The following HDAC9 variants were observed in gnomAD, a reference collection of about 807,000 sequenced individuals.
HDAC9 encodes the protein histone deacetylase 9.
A neutral mutation model predicts 139.4 loss-of-function variants in HDAC9; 41 were observed. That is an observed-to-expected ratio of 0.29 (90% CI 0.23 to 0.38). The LOEUF is 0.38. HDAC9 is among the 10% of genes least tolerant of loss of function. The pLI is 1.00. For missense variants in HDAC9, 1,147 were observed against 1,297.0 expected (o/e 0.88, Z 1.78); for synonymous variants, 517 against 476.2 (o/e 1.09, Z -1.12).
intron 13 of HDAC9, among the ~76,000 whole-genome samples, chr7:18,733,114 T>C (rs1300430385): frequency 6.9e-6 from 1 of 145,700 alleles, no homozygotes; most frequent in Non-Finnish European, 1.5e-5. Flanking sequence ...TACATATATA[T>C]GTGTATACAT....
intron 1 of HDAC9, among the ~76,000 whole-genome samples, chr7:18,304,755 C>T (rs1248137399): frequency 2.6e-5 from 4 of 152,102 alleles, no homozygotes; most frequent in East Asian, 3.9e-4. Context: ...GGGCAGAGTG[C>T]GTAAGCCATT....
chr7:18,834,320 CT>C (rs1164097905), intron 19 of HDAC9, among the ~76,000 whole-genome samples: 3 of 149,870 alleles, frequency 2.0e-5, no homozygotes, highest in Non-Finnish European at 4.4e-5. Flanking sequence ...AAATTATCCA[CT>C]TTTGGAGTGG....
chr7:18,527,390 A>G (rs1317004731), intron 2 of HDAC9, among the ~76,000 whole-genome samples: 2 of 152,144 alleles, frequency 1.3e-5, no homozygotes, highest in African/African-American at 4.8e-5. Context: ...TATCTAAGTA[A>G]GTTAATGTTG....
At chr7:18,429,549 TTGTG>T (rs544337272) in intron 1 of HDAC9, among the ~76,000 whole-genome samples, 2 of 150,110 alleles carry the variant, frequency 1.3e-5, no homozygotes, top group African/African-American at 2.5e-5. Context: ...GTGTGTGTAT[TTGTG>T]TGTGTGTGTG....
At chr7:18,416,153 G>A (rs777287981) in intron 1 of HDAC9, among the ~76,000 whole-genome samples, 8 of 151,918 alleles carry the variant, frequency 5.3e-5, no homozygotes, top group African/African-American at 9.7e-5. Context: ...AAAATTAGCC[G>A]GGCATGGTGG....
intron 17 of HDAC9, among the ~76,000 whole-genome samples, chr7:18,815,854 C>T (rs1471430361): frequency 6.6e-6 from 1 of 152,228 alleles, no homozygotes; most frequent in Non-Finnish European, 1.5e-5. Context: ...AATATCCCTA[C>T]TTCCCTGAAT....
intron 22 of HDAC9, among the ~76,000 whole-genome samples, chr7:18,892,833 G>T (rs1027465288): frequency 1.3e-5 from 2 of 152,020 alleles, no homozygotes; most frequent in Non-Finnish European, 2.9e-5. Context: ...TCTACCCCAT[G>T]TAAGACTGAT....
Position 18,258,726 on chromosome 7 carries a change from T to A in HDAC9, c.25+96377T>A, listed in dbSNP as rs79216931. Among the ~76,000 whole-genome samples the A allele has an allele frequency of 1.4e-4, 21 of 152,322 alleles. No homozygotes were observed. The East Asian group carries it at 3.3e-3, about 24-fold the overall frequency. ...TGTGATACTAAATTCAGTTTACACT[T>A]CTGAAATATAGCTTCTTGAAAGAAA... On this transcript the variant is annotated intron_variant, in intron 2 of 12. Coordinates refer to the HDAC9 transcript ENST00000417496.
intron 7 of HDAC9, 103 bp downstream of exon 7, chr7:18,629,584 G>A: frequency 8.7e-7 from 1 of 1,145,128 alleles, no homozygotes; most frequent in Non-Finnish European, 1.2e-6. Flanking sequence ...ATTTTGAGAA[G>A]AAATATTTCT....
rs1281144975 is a variant in HDAC9 at position 18,447,201 on chromosome 7, AT to A, written c.-41-49060del. On this transcript the variant is annotated intron_variant, in intron 1 of 3. Transcript: ENST00000413509. ...TGAGTCAGTGGTGTGAAAACAAAAA[AT>A]AACAGAGAGTTTAAAATTATTTATG... Among the ~76,000 whole-genome samples, 145 of 152,218 alleles carry A rather than the reference AT, an allele frequency of 9.5e-4. 2 individuals carry two copies. The highest frequency in any genetic ancestry group is 9.5e-3 in the Admixed American group (145 of 15,276).
chr7:18,823,206 G>C (rs1272361652), intron 17 of HDAC9, among the ~76,000 whole-genome samples: 1 of 152,116 alleles, frequency 6.6e-6, no homozygotes, highest in African/African-American at 2.4e-5. Context: ...GTGGAAGAAT[G>C]TAGACATTGT....
At chr7:18,494,749 C>T (rs1014941252), upstream of HDAC9, among the ~76,000 whole-genome samples, 2 of 152,014 alleles carry the variant, frequency 1.3e-5, no homozygotes, top group African/African-American at 4.8e-5. Context: ...ATATTTCGGG[C>T]AACCAATGTA....
At chr7:18,959,259 T>A (rs2389999) in intron 24 of HDAC9, among the ~76,000 whole-genome samples, 1 of 152,166 alleles carries the variant, frequency 6.6e-6, no homozygotes, top group African/African-American at 2.4e-5. Context: ...AGACTATCAC[T>A]TTAAGTTCTA....
At chr7:18,379,828 A>G (rs549255140) in intron 1 of HDAC9, among the ~76,000 whole-genome samples, 1 of 152,280 alleles carries the variant, frequency 6.6e-6, no homozygotes, top group South Asian at 2.1e-4. Flanking sequence ...TGATTCTTAA[A>G]CAGATCTAAG....
At position 18,407,066 on chromosome 7, in the gene HDAC9, T is replaced by A. The variant is rs373352121; in HGVS notation, c.-41-89196T>A. ...ATAGACCCAGCTTAGGTATTCTTTC[T>A]TACTGAAATCTCCTGATCTCACTAT... On this transcript the variant is annotated intron_variant, in intron 1 of 3. Coordinates refer to the HDAC9 transcript ENST00000413509. Among the ~76,000 whole-genome samples the A allele has an allele frequency of 2.6e-3, 391 of 152,298 alleles. 1 individual carries two copies. Among genetic ancestry groups the A allele is most frequent in the African/African-American group, 8.5e-3 (354 of 41,568 alleles).
chr7:18,619,041 CTAGA>C (rs1839489007), intron 6 of HDAC9, among the ~76,000 whole-genome samples: 1 of 151,712 alleles, frequency 6.6e-6, no homozygotes, highest in South Asian at 2.1e-4. Context: ...CAAAATGATG[CTAGA>C]TAGATTTTTA....
At chr7:18,896,749 A>G (rs1276761928) in intron 22 of HDAC9, among the ~76,000 whole-genome samples, 3 of 152,112 alleles carry the variant, frequency 2.0e-5, no homozygotes, top group African/African-American at 7.2e-5. Context: ...TTTGTTAAAG[A>G]TAGTGACATC....
chr7:18,996,002 A>T, intron 25 of HDAC9, 21 bp from the exon 26 acceptor site: 1 of 1,583,352 alleles, frequency 6.3e-7, no homozygotes, highest in Non-Finnish European at 8.6e-7. Flanking sequence ...CCGTATTCTG[A>T]TTGCCTGTTT....
At chr7:18,244,155 G>A (rs888267317) in intron 2 of HDAC9, among the ~76,000 whole-genome samples, 2 of 152,104 alleles carry the variant, frequency 1.3e-5, no homozygotes, top group African/African-American at 4.8e-5. Context: ...GAACAGCTGA[G>A]CAAGGGTAAA....
Sources: allele counts gnomAD v4.1 joint callset (sites outside exome capture counted in the v4.1 genomes callset), GRCh38; gene constraint gnomAD v4.1.1; transcripts MANE v1.5; gene names NCBI Gene and HGNC (gene_info 2026-07-23, HGNC 2026-07-21).